CRLF3: variants seen among roughly 807,000 people sequenced by gnomAD.
The protein encoded by CRLF3 is cytokine receptor-like factor 3.
A neutral mutation model predicts 55.0 loss-of-function variants in CRLF3; 33 were observed. That is an observed-to-expected ratio of 0.60 (90% CI 0.46 to 0.80). CRLF3 has a LOEUF of 0.80. Among genes scored for constraint, CRLF3 ranks in the 30% least tolerant of loss-of-function variants. CRLF3 has a pLI of 0.00. For missense variants in CRLF3, 494 were observed against 538.4 expected (o/e 0.92, Z 0.82); for synonymous variants, 238 against 196.8 (o/e 1.21, Z -1.75).
rs907355009 is a variant in CRLF3 at position 30,784,507 on chromosome 17, C to G, written c.1073-64G>C. ...ATAACTAAGAGATCTGAAATAGTTT[C>G]TAGATTACTGGTAACACAGCTCATT... On this transcript the variant is annotated intron_variant, in intron 7 of 7. Transcript: ENST00000324238. The G allele has an allele frequency of 4.1e-5, 57 of 1,374,268 alleles. No homozygotes were observed. In the African/African-American group the frequency reaches 7.4e-4, roughly 18 times the overall value. The allele number at this position is 1,374,268 out of a possible 1,614,324, so 85.1% of individuals were successfully genotyped here.
At chr17:30,796,874 G>A (rs1450046812) in intron 3 of CRLF3, among the ~76,000 whole-genome samples, 5 of 151,674 alleles carry the variant, frequency 3.3e-5, no homozygotes, top group African/African-American at 9.7e-5. Flanking sequence ...ACAGGCGCAC[G>A]CCACCATGCC....
intron 6 of CRLF3, among the ~76,000 whole-genome samples, chr17:30,788,651 C>T (rs375868780): frequency 1.6e-3 from 228 of 141,644 alleles, no homozygotes; most frequent in African/African-American, 4.9e-3. Flanking sequence ...TCTGTTGCCC[C>T]GGCTAGAGTA....
chr17:30,816,881 G>T (rs1904822731), intron 1 of CRLF3, among the ~76,000 whole-genome samples: 1 of 152,056 alleles, frequency 6.6e-6, no homozygotes, highest in African/African-American at 2.4e-5. Context: ...TGTACCCTAG[G>T]AGCAATAGAA....
chr17:30,810,561 C>T (rs748379206), intron 1 of CRLF3, among the ~76,000 whole-genome samples: 5 of 149,760 alleles, frequency 3.3e-5, no homozygotes, highest in Non-Finnish European at 7.4e-5. Flanking sequence ...GACTCCACCT[C>T]AAAAAAAAAT....
At chr17:30,807,195 T>C (rs1904434170) in intron 1 of CRLF3, among the ~76,000 whole-genome samples, 1 of 152,146 alleles carries the variant, frequency 6.6e-6, no homozygotes, top group African/African-American at 2.4e-5. Flanking sequence ...TTATCTTAGT[T>C]TCATATGACA....
intron 7 of CRLF3, chr17:30,784,754 C>A: frequency 8.6e-6 from 2 of 232,576 alleles, no homozygotes; most frequent in Non-Finnish European, 1.7e-5. Context: ...GACTCACCAA[C>A]ACAATTTTTT....
chr17:30,799,750 C>T (rs1971976973), intron 2 of CRLF3, among the ~76,000 whole-genome samples: 1 of 152,112 alleles, frequency 6.6e-6, no homozygotes, highest in Non-Finnish European at 1.5e-5. Flanking sequence ...GATGATCCGC[C>T]CCCCTCGGCC....
At chr17:30,790,079 GACAAA>G (rs1187753715) in intron 6 of CRLF3, among the ~76,000 whole-genome samples, 7 of 151,676 alleles carry the variant, frequency 4.6e-5, no homozygotes, top group East Asian at 1.9e-4. Flanking sequence ...TCAAAAATTA[GACAAA>G]ACAAACTAGT....
intron 1 of CRLF3, among the ~76,000 whole-genome samples, chr17:30,807,678 G>A (rs1239452577): frequency 6.6e-5 from 10 of 151,646 alleles, no homozygotes; most frequent in African/African-American, 1.5e-4. Context: ...GATTACAGGC[G>A]CATGCCACCA....
Position 30,824,487 on chromosome 17 carries a change from G to C in CRLF3, c.129+36C>G, listed in dbSNP as rs750691874. The C allele has an allele frequency of 1.9e-6, 3 of 1,555,048 alleles. No homozygotes were observed. The South Asian group carries it at 3.5e-5, about 18-fold the overall frequency. Reference sequence around the variant, plus strand: ...TTCGCCCGGCATCCGCGCCACCCCCGGGCCCACAGCGCCCCTGTGGGTGTG... The same window carrying C: ...TTCGCCCGGCATCCGCGCCACCCCCCGGCCCACAGCGCCCCTGTGGGTGTG... On this transcript the variant is annotated intron_variant, in intron 1 of 7. Transcript: ENST00000324238.
chr17:30,806,983 C>A (rs1337117911), intron 1 of CRLF3, among the ~76,000 whole-genome samples: 2 of 152,018 alleles, frequency 1.3e-5, no homozygotes. Flanking sequence ...CATGGTGGCT[C>A]ATGCCTGTAA....
intron 6 of CRLF3, among the ~76,000 whole-genome samples, chr17:30,789,101 A>T (rs934011572): frequency 9.2e-5 from 14 of 152,118 alleles, no homozygotes; most frequent in Non-Finnish European, 2.1e-4. Context: ...ACAAGGGGAG[A>T]AAACATTTCA....
intron 1 of CRLF3, among the ~76,000 whole-genome samples, chr17:30,817,847 A>G (rs946973426): frequency 1.3e-5 from 2 of 150,114 alleles, no homozygotes; most frequent in Admixed American, 6.7e-5. Context: ...CAGAGGTTGC[A>G]ATGAGCCGAG....
At chr17:30,787,218 C>G in intron 6 of CRLF3, among the ~76,000 whole-genome samples, 1 of 152,186 alleles carries the variant, frequency 6.6e-6, no homozygotes, top group South Asian at 2.1e-4. Flanking sequence ...GAAGGTTTGT[C>G]ATAGTTGACA....
Position 30,819,840 on chromosome 17 carries a change from G to C in CRLF3, c.129+4683C>G, listed in dbSNP as rs1007194880. On this transcript the variant is annotated intron_variant, in intron 1 of 7. Transcript: ENST00000324238. ...TTTGTTTTTAGGGGTAGTAACCTAA[G>C]TATCAGCCACCAAAGGAAAGAGGAA... Among the ~76,000 whole-genome samples, 5 of 152,176 alleles carry C rather than the reference G, an allele frequency of 3.3e-5. No homozygotes were observed. In the South Asian group the frequency reaches 6.2e-4, roughly 19 times the overall value.
chr17:30,794,981 G>A (rs1419859631), intron 4 of CRLF3, among the ~76,000 whole-genome samples: 1 of 152,020 alleles, frequency 6.6e-6, no homozygotes, highest in Non-Finnish European at 1.5e-5. Flanking sequence ...AATACTCTAA[G>A]AAGACCTCAT....
chr17:30,796,110 A>T, intron 4 of CRLF3, 50 bp downstream of exon 4: 1 of 1,371,748 alleles, frequency 7.3e-7, no homozygotes, highest in South Asian at 1.8e-5. Context: ...AGGCCTCCAA[A>T]TCGCAAACCC....
rs1371143800 is a variant in CRLF3 at position 30,815,581 on chromosome 17, T to C, written c.129+8942A>G. ...TTTTTTGAGATGCAGTCCCACTCTG[T>C]TGCCCAGGCTGAAGTGCAGTGGCGC... On this transcript the variant is annotated intron_variant, in intron 1 of 7. Transcript: ENST00000324238. 2.0e-5 allele frequency among the ~76,000 whole-genome samples: 3 copies of C among 149,146 alleles called. No individual in the cohort carries two copies. The East Asian group carries it at 6.0e-4, about 30-fold the overall frequency.
In CRLF3 at chr17:30,782,799, AG is replaced by A. The variant is rs1971522960; in HGVS notation, c.*1387del. On this transcript the variant is annotated 3_prime_UTR_variant, in exon 8 of 8. Transcript: ENST00000324238. ...TCTACTACTTATATATAAAAAGACA[AG>A]TAGAAAAGGTCATGATTGTCTAACA... The A allele has an allele frequency of 1.3e-5, 2 of 152,208 alleles. No individual in the cohort carries two copies. The highest frequency in any genetic ancestry group is 4.1e-4 in the South Asian group (2 of 4,836). The allele number at this position is 152,208 out of a possible 1,614,324, so 9.4% of individuals were successfully genotyped here. A position where few individuals can be genotyped will look rare whatever the true frequency, so the allele number is the denominator to read the frequency against.
Sources: allele counts gnomAD v4.1 joint callset (sites outside exome capture counted in the v4.1 genomes callset), GRCh38; gene constraint gnomAD v4.1.1; transcripts MANE v1.5; gene names NCBI Gene and HGNC (gene_info 2026-07-23, HGNC 2026-07-21).